The following SPATA17 variants were observed in gnomAD, a reference collection of about 807,000 sequenced individuals.
SPATA17 encodes the protein spermatogenesis associated 17, also known as spermatogenesis-associated protein 17.
SPATA17 carries 53 observed loss-of-function variants against 62.2 expected under a neutral mutation model. That is an observed-to-expected ratio of 0.85 (90% CI 0.68 to 1.07). The LOEUF (loss-of-function observed/expected upper bound fraction) is 1.07. Ranked by LOEUF, SPATA17 falls within the 50% of genes least tolerant of loss-of-function variation. The pLI, the probability that SPATA17 is intolerant of heterozygous loss-of-function variation, is 0.00. For synonymous variants in SPATA17, 146 were observed against 146.8 expected, an observed-to-expected ratio of 0.99 and a Z score of 0.04; for missense variants, 466 against 425.5, an observed-to-expected ratio of 1.10 and a Z score of -0.84.
At chr1:217,768,427 G>A (rs1280453053) in intron 6 of SPATA17, among the ~76,000 whole-genome samples, 1 of 151,234 alleles carries the variant, frequency 6.6e-6, no homozygotes, top group African/African-American at 2.4e-5. Context: ...CCACAACCAT[G>A]TCTTTATTTT....
intron 4 of SPATA17, among the ~76,000 whole-genome samples, chr1:217,674,234 G>C (rs1670896328): frequency 6.6e-6 from 1 of 152,194 alleles, no homozygotes; most frequent in African/African-American, 2.4e-5. Context: ...GAACTCCCCA[G>C]ATTCTGAACT....
At chr1:217,850,619 C>T in intron 9 of SPATA17, 3 of 1,593,956 alleles carry the variant, frequency 1.9e-6, no homozygotes, top group Non-Finnish European at 2.6e-6. Flanking sequence ...TCAGGGTCTT[C>T]ACGAAGATCT....
In SPATA17 at chr1:217,826,066, A is replaced by G. The variant is rs1394475204; in HGVS notation, c.1005+24216A>G. ...AGTCTGCTCAGGCTGCTGTAACAAT[A>G]TACTACAGATGGGTGGCTTTAACAA... On this transcript the variant is annotated intron_variant, in intron 9 of 10. Coordinates refer to ENST00000366933, the MANE Select transcript of SPATA17 (RefSeq NM_138796.4). Among the ~76,000 whole-genome samples the G allele has an allele frequency of 2.6e-5, 4 of 152,028 alleles. No individual in the cohort carries two copies. The East Asian group carries it at 7.7e-4, about 29-fold the overall frequency.
At chr1:217,706,103 T>C (rs2102922996) in intron 5 of SPATA17, among the ~76,000 whole-genome samples, 1 of 152,302 alleles carries the variant, frequency 6.6e-6, no homozygotes, top group Middle Eastern at 3.4e-3. Context: ...GCTGTTTTGG[T>C]TTCTGTAGTC....
chr1:217,707,353 G>A (rs1248050790), intron 5 of SPATA17, among the ~76,000 whole-genome samples: 2 of 152,092 alleles, frequency 1.3e-5, no homozygotes, highest in African/African-American at 4.8e-5. Context: ...TCTTGGTGTA[G>A]AATCATATCA....
chr1:217,808,896 GAAGT>G (rs1209414503), intron 9 of SPATA17, among the ~76,000 whole-genome samples: 2 of 151,602 alleles, frequency 1.3e-5, no homozygotes, highest in Non-Finnish European at 1.5e-5. Flanking sequence ...TCATATTATT[GAAGT>G]AAGGATAAGG....
chr1:217,855,262 T>A (rs1033615286), intron 9 of SPATA17, among the ~76,000 whole-genome samples: 4 of 152,338 alleles, frequency 2.6e-5, no homozygotes, highest in African/African-American at 4.8e-5. Flanking sequence ...CATATAGCCT[T>A]TCTCCTTTTT....
At chr1:217,673,223 A>G (rs1670869768) in intron 4 of SPATA17, among the ~76,000 whole-genome samples, 1 of 152,034 alleles carries the variant, frequency 6.6e-6, no homozygotes, top group Non-Finnish European at 1.5e-5. Context: ...GAGATTAAGG[A>G]TTTTGCTCAA....
chr1:217,820,166 G>A lies in SPATA17; in HGVS notation c.1005+18316G>A, dbSNP rs116035774. On this transcript the variant is annotated intron_variant, in intron 9 of 10. Coordinates refer to ENST00000366933, the MANE Select transcript of SPATA17 (RefSeq NM_138796.4). ...GAAAAAGATGTTAGATGATAAGACT[G>A]GAGATCTGGCCGGATATAGAATATG... Among the ~76,000 whole-genome samples the A allele has an allele frequency of 8.7e-3, 1,327 of 152,108 alleles. 22 individuals are homozygous for A. Among genetic ancestry groups the A allele is most frequent in the African/African-American group, 0.031 (1,280 of 41,518 alleles).
At chr1:217,727,027 C>A (rs563815629) in intron 5 of SPATA17, among the ~76,000 whole-genome samples, 9 of 152,020 alleles carry the variant, frequency 5.9e-5, no homozygotes, top group Non-Finnish European at 1.3e-4. Flanking sequence ...GCGGGCGGAT[C>A]ACCTGAGGTC....
chr1:217,781,826 G>A (rs1170127221), intron 7 of SPATA17, among the ~76,000 whole-genome samples: 2 of 152,066 alleles, frequency 1.3e-5, no homozygotes, highest in Non-Finnish European at 2.9e-5. Context: ...CAAAAAGGGA[G>A]ACAATCCTTT....
chr1:217,687,591 A>G (rs1431145260), intron 5 of SPATA17, among the ~76,000 whole-genome samples: 1 of 152,198 alleles, frequency 6.6e-6, no homozygotes, highest in Non-Finnish European at 1.5e-5. Flanking sequence ...TACATATAGT[A>G]TTCGGTACAG....
intron 9 of SPATA17, among the ~76,000 whole-genome samples, chr1:217,855,652 A>C (rs1558078254): frequency 6.6e-6 from 1 of 151,864 alleles, no homozygotes; most frequent in Admixed American, 6.6e-5. Context: ...CATGTCTGTC[A>C]TGTGGGCCTG....
chr1:217,704,080 CTT>C (rs201127435), intron 5 of SPATA17, among the ~76,000 whole-genome samples: 1 of 125,844 alleles, frequency 7.9e-6, no homozygotes, highest in African/African-American at 3.2e-5. Context: ...TTTTAAAACT[CTT>C]TTAGGTTCAG....
intron 9 of SPATA17, among the ~76,000 whole-genome samples, chr1:217,817,100 A>G (rs892173450): frequency 1.3e-5 from 2 of 152,138 alleles, no homozygotes; most frequent in Non-Finnish European, 2.9e-5. Flanking sequence ...TTTTAGTGAA[A>G]TCTGAAGCCT....
chr1:217,847,541 A>C (rs1023662553), intron 9 of SPATA17, among the ~76,000 whole-genome samples: 1 of 152,182 alleles, frequency 6.6e-6, no homozygotes, highest in African/African-American at 2.4e-5. Flanking sequence ...AAATGTGTAC[A>C]TAATTTTCCC....
chr1:217,744,904 T>C (rs902128876), intron 6 of SPATA17, among the ~76,000 whole-genome samples: 1 of 152,208 alleles, frequency 6.6e-6, no homozygotes, highest in Non-Finnish European at 1.5e-5. Flanking sequence ...TGTAATGTAT[T>C]TAAAGCAGTG....
At chr1:217,641,883 G>A (rs965148742) in intron 1 of SPATA17, among the ~76,000 whole-genome samples, 4 of 152,014 alleles carry the variant, frequency 2.6e-5, no homozygotes, top group African/African-American at 7.2e-5. Flanking sequence ...CTCCAATAAC[G>A]TTCTTTATAG....
chr1:217,820,646 T>C (rs765126213), intron 9 of SPATA17, among the ~76,000 whole-genome samples: 10 of 151,964 alleles, frequency 6.6e-5, no homozygotes, highest in Non-Finnish European at 1.3e-4. Flanking sequence ...GAGTTTGAAA[T>C]GACTTTAACT....
Sources: allele counts gnomAD v4.1 joint callset (sites outside exome capture counted in the v4.1 genomes callset), GRCh38; gene constraint gnomAD v4.1.1; transcripts MANE v1.5; gene names NCBI Gene and HGNC (gene_info 2026-07-23, HGNC 2026-07-21).